The following ADGRG6 variants were observed in gnomAD, a reference collection of about 807,000 sequenced individuals.
The protein encoded by ADGRG6 is G-protein coupled receptor 126.
In ADGRG6, 84 loss-of-function variants were observed where a neutral mutation model predicts 142.4. The ratio of observed to expected loss-of-function variants is 0.59; its 90% CI spans 0.49 to 0.71. The LOEUF is 0.71. ADGRG6 is among the 30% of genes least tolerant of loss of function. The pLI, the probability that ADGRG6 is intolerant of heterozygous loss-of-function variation, is 0.00. For missense variants in ADGRG6, 1,367 were observed against 1,466.6 expected, an observed-to-expected ratio of 0.93 and a Z score of 1.11; for synonymous variants, 521 against 520.5, an observed-to-expected ratio of 1.00 and a Z score of -0.01.
intron 22 of ADGRG6, among the ~76,000 whole-genome samples, chr6:142,433,246 A>C (rs1011369362): frequency 6.6e-6 from 1 of 152,140 alleles, no homozygotes; most frequent in Non-Finnish European, 1.5e-5. Context: ...TGTAGCCTCT[A>C]TTTACCTTAC....
At chr6:142,381,790 G>A (rs1352073770) in intron 4 of ADGRG6, among the ~76,000 whole-genome samples, 161 bp from the exon 5 acceptor site, 4 of 152,132 alleles carry the variant, frequency 2.6e-5, no homozygotes, top group African/African-American at 9.7e-5. Flanking sequence ...TTTTACATTT[G>A]AGAAAATTAA....
At chr6:142,330,735 C>T (rs1407421484) in intron 2 of ADGRG6, among the ~76,000 whole-genome samples, 2 of 151,920 alleles carry the variant, frequency 1.3e-5, no homozygotes, top group Admixed American at 6.6e-5. Flanking sequence ...ATGCCTTTTC[C>T]CCTGATTGTC....
intron 2 of ADGRG6, among the ~76,000 whole-genome samples, chr6:142,315,600 C>T (rs567304337): frequency 4.6e-5 from 7 of 151,926 alleles, no homozygotes; most frequent in Middle Eastern, 3.4e-3. Context: ...GAGGCCGAGG[C>T]GGCGGGCAGA....
Position 142,405,037 on chromosome 6 carries a change from T to C in ADGRG6, c.2128-651T>C, listed in dbSNP as rs553508145. On this transcript the variant is annotated intron_variant, in intron 14 of 24. Transcript: ENST00000367609. The stretch of plus-strand genomic sequence containing the variant: ...ATAGTATGTGAAGCACAATATATCT[T>C]TTAACTGTGGAGATAGAACAAACTG... Among the ~76,000 whole-genome samples, 4 of 152,308 alleles carry C rather than the reference T, an allele frequency of 2.6e-5. No individual in the cohort carries two copies. The South Asian group carries it at 8.3e-4, about 32-fold the overall frequency.
chr6:142,369,694 T>C (rs758425948), intron 3 of ADGRG6, among the ~76,000 whole-genome samples: 45 of 152,182 alleles, frequency 3.0e-4, no homozygotes, highest in Non-Finnish European at 4.3e-4. Context: ...GAAAGGGAGA[T>C]GGCAGTACAG....
intron 7 of ADGRG6, among the ~76,000 whole-genome samples, chr6:142,391,612 G>C (rs1323696708): frequency 6.6e-6 from 1 of 151,664 alleles, no homozygotes; most frequent in African/African-American, 2.4e-5. Context: ...TGGTGAGAAA[G>C]GTGAAATCCT....
At chr6:142,384,962 C>A (rs1360995434) in intron 6 of ADGRG6, among the ~76,000 whole-genome samples, 1 of 151,986 alleles carries the variant, frequency 6.6e-6, no homozygotes, top group East Asian at 1.9e-4. Context: ...ATTCCAGCAA[C>A]CCCCAAGAAA....
At position 142,370,754 on chromosome 6, in the gene ADGRG6, C is replaced by T. The variant is rs1247530796; in HGVS notation, c.1030C>T (p.Pro344Ser). ...VDWQNDFWNI[P>S]NLALKAESNL... ...CTGGCAAAATGACTTCTGGAATATCCCAAACCTAGCTCTGAAAGCTGAAAG... is the reference window on the plus strand; with the variant it reads ...CTGGCAAAATGACTTCTGGAATATCTCAAACCTAGCTCTGAAAGCTGAAAG... Residue 344 changes from proline (P) to serine (S), a missense_variant, in exon 4 of 25, where the codon CCA (proline) becomes TCA (serine). By Grantham distance (74) the Pro-to-Ser change is moderately conservative. This residue lies in a region of ADGRG6 where 737 missense variants were observed against 746.5 expected (regional missense o/e 0.99). Coordinates refer to ENST00000367609, the MANE Select transcript of ADGRG6 (RefSeq NM_198569.3). 1.2e-6 allele frequency: 2 copies of T among 1,613,592 alleles called. No individual in the cohort carries two copies. Among genetic ancestry groups the T allele is most frequent in the East Asian group, 4.5e-5 (2 of 44,858 alleles).
At chr6:142,422,355 C>T (rs1345942367) in intron 22 of ADGRG6, among the ~76,000 whole-genome samples, 2 of 152,072 alleles carry the variant, frequency 1.3e-5, no homozygotes, top group South Asian at 4.1e-4. Context: ...TGATATTCCC[C>T]TTCCTGTGTC....
chr6:142,425,833 G>A (rs1049708563), intron 22 of ADGRG6, among the ~76,000 whole-genome samples: 1 of 152,196 alleles, frequency 6.6e-6, no homozygotes, highest in Non-Finnish European at 1.5e-5. Context: ...AAGCAAGGAG[G>A]AGCAAATCAA....
intron 2 of ADGRG6, among the ~76,000 whole-genome samples, chr6:142,323,259 T>A (rs1778605986): frequency 6.6e-6 from 1 of 151,914 alleles, no homozygotes; most frequent in Non-Finnish European, 1.5e-5. Flanking sequence ...CTCATGAAAG[T>A]GAGAATGTAT....
chr6:142,319,665 T>A (rs1408312824), intron 2 of ADGRG6, among the ~76,000 whole-genome samples: 1 of 152,148 alleles, frequency 6.6e-6, no homozygotes, highest in East Asian at 1.9e-4. Context: ...TTTCCCATTA[T>A]AACTTAAATT....
chr6:142,443,408 G>C lies in ADGRG6; in HGVS notation c.3646G>C (p.Val1216Leu). The C allele has an allele frequency of 6.2e-7, 1 of 1,610,734 alleles. No homozygotes were observed. The highest frequency in any genetic ancestry group is 8.5e-7 in the Non-Finnish European group (1 of 1,177,100). The change falls in exon 25 of 25, where the codon GTC becomes CTC. Residue 1216 changes from valine (V) to leucine (L), a missense_variant. Physicochemically the swap from Val to Leu is conservative, Grantham distance 32. Around this residue, in one of 3 missense-constraint regions of ADGRG6, gnomAD observed 344 missense variants for 348.7 expected, o/e 0.99. Coordinates refer to ENST00000367609, the MANE Select transcript of ADGRG6 (RefSeq NM_198569.3). Reference sequence around the variant, plus strand: ...TGGAGATCAAACATCAATCATCCCTGTCCATCAGGTCATTGATAAGGTCAA... The same window carrying C: ...TGGAGATCAAACATCAATCATCCCTCTCCATCAGGTCATTGATAAGGTCAA... ...ADGDQTSIIP[V>L]HQVIDKVKGY...
At chr6:142,360,059 G>A (rs1780642048) in intron 2 of ADGRG6, among the ~76,000 whole-genome samples, 1 of 152,134 alleles carries the variant, frequency 6.6e-6, no homozygotes, top group African/African-American at 2.4e-5. Context: ...GAGATGAGGA[G>A]CAGATTTAAC....
At chr6:142,312,189 G>A (rs1412629604) in intron 2 of ADGRG6, among the ~76,000 whole-genome samples, 1 of 151,980 alleles carries the variant, frequency 6.6e-6, no homozygotes, top group Non-Finnish European at 1.5e-5. Context: ...TAGGAGATTG[G>A]CAGATCTCTT....
At position 142,370,019 on chromosome 6, in the gene ADGRG6, CAG is replaced by C. The variant is rs369115836; in HGVS notation, c.446-148_446-147del. ...CAGACGATTGGTAATGGGCTGGTGA[CAG>C]AGGATAGATGAGTAAGAGGGGAGGG... On this transcript the variant is annotated intron_variant, in intron 3 of 24. Transcript: ENST00000367609. The C allele has an allele frequency of 7.7e-3, 4,143 of 538,750 alleles. 253 individuals are homozygous for C. In the South Asian group the frequency reaches 0.11, roughly 14 times the overall value. The allele number at this position is 538,750 out of a possible 1,614,324, so 33.4% of individuals were successfully genotyped here.
intron 2 of ADGRG6, among the ~76,000 whole-genome samples, chr6:142,314,260 CTG>C (rs2114542599): frequency 6.6e-6 from 1 of 152,244 alleles, no homozygotes; most frequent in Admixed American, 6.5e-5. Context: ...GGGGAATGAC[CTG>C]CCTTGTCACC....
At chr6:142,398,322 G>A (rs1298688338) in intron 10 of ADGRG6, among the ~76,000 whole-genome samples, 1 of 152,122 alleles carries the variant, frequency 6.6e-6, no homozygotes, top group Non-Finnish European at 1.5e-5. Flanking sequence ...TACTAGGCGG[G>A]GCTGAGGCAG....
intron 4 of ADGRG6, among the ~76,000 whole-genome samples, chr6:142,376,248 A>G (rs868268642): frequency 2.0e-5 from 3 of 152,190 alleles, no homozygotes; most frequent in East Asian, 1.9e-4. Flanking sequence ...AATTTTCACA[A>G]AGAACAGACA....
Sources: gnomAD v4.1 joint callset for allele counts (sites outside exome capture counted in the v4.1 genomes callset) on GRCh38, gnomAD v4.1.1 for gene constraint, gnomAD v4.1.1 regional missense constraint, MANE v1.5 for transcripts, NCBI Gene and HGNC (gene_info 2026-07-23, HGNC 2026-07-21) for gene names.